Variants in PRKAR1A observed in about 807,000 individuals in gnomAD.
The protein encoded by PRKAR1A is cAMP-dependent protein kinase type I-alpha regulatory subunit.
In PRKAR1A, 3 loss-of-function variants were observed where a neutral mutation model predicts 52.0. The observed-to-expected ratio is 0.06, with a 90% confidence interval of 0.03 to 0.15. The LOEUF is 0.15. Among genes scored for constraint, PRKAR1A ranks in the 10% least tolerant of loss-of-function variants. The probability of loss-of-function intolerance (pLI) is 1.00; values close to 1 mark genes in which losing one functional copy is unlikely to be tolerated. For missense variants in PRKAR1A, 240 were observed against 477.4 expected, an observed-to-expected ratio of 0.50 and a Z score of 4.63; for synonymous variants, 188 against 168.4, an observed-to-expected ratio of 1.12 and a Z score of -0.90.
At chr17:68,427,310 A>G in the PRKAR1A span, 2 of 1,315,010 alleles carry the variant, frequency 1.5e-6, no homozygotes, top group Non-Finnish European at 2.2e-6. Flanking sequence ...TATATCTAGG[A>G]CACCTTCCAA....
rs375219763 is a variant in PRKAR1A at position 68,540,834 on chromosome 17, C to T, written c.974-10250C>T. On this transcript the variant is annotated intron_variant, in intron 11 of 11. Transcript: ENST00000585981. ...AGAGCCCACTTCTGCTGGGGGCCTGCGTGTGGGGACCTACCTATCAAGAAG... is the reference window on the plus strand; with the variant it reads ...AGAGCCCACTTCTGCTGGGGGCCTGTGTGTGGGGACCTACCTATCAAGAAG... 24 of 1,584,190 alleles carry T rather than the reference C, an allele frequency of 1.5e-5. No homozygotes were observed. Among genetic ancestry groups the T allele is most frequent in the East Asian group, 4.5e-5 (2 of 44,050 alleles).
the PRKAR1A span, among the ~76,000 whole-genome samples, chr17:68,494,415 G>A: frequency 6.6e-6 from 1 of 152,104 alleles, no homozygotes; most frequent in African/African-American, 2.4e-5. Context: ...GGTGGTGGGA[G>A]CCTGTAATTC....
chr17:68,524,328 C>T (rs1017146926), intron 5 of PRKAR1A, among the ~76,000 whole-genome samples: 4 of 152,010 alleles, frequency 2.6e-5, no homozygotes, highest in Non-Finnish European at 5.9e-5. Context: ...CATTGTCTTA[C>T]CTTGAATGTC....
At chr17:68,536,272 T>A (rs140826631), downstream of PRKAR1A, 4 of 454,034 alleles carry the variant, frequency 8.8e-6, no homozygotes, top group Non-Finnish European at 1.8e-5. Context: ...CTCTGGCCTT[T>A]ACTGGAAAAG....
At chr17:68,417,748 T>TTTTA in the PRKAR1A span, among the ~76,000 whole-genome samples, 3 of 118,200 alleles carry the variant, frequency 2.5e-5, no homozygotes, top group African/African-American at 3.9e-5. Context: ...TTTTTTTTTT[T>TTTTA]TTTTTTTTTT....
rs769019433 is a variant in PRKAR1A, at chr17:68,515,460, T to C, written c.61T>C (p.Tyr21His). 6.2e-7 allele frequency: 1 copy of C among 1,613,654 alleles called. No homozygotes were observed. Among genetic ancestry groups the C allele is most frequent in the South Asian group, 1.1e-5 (1 of 91,050 alleles). ...EARSLRECELYVQKHNIQALL... is the reference protein window; with the variant it reads ...EARSLRECELHVQKHNIQALL... ...ACGCAGCCTTCGAGAATGTGAGCTC[T>C]ACGTCCAGAAGCATAACATTCAAGC... The change falls in exon 2 of 11, where the codon TAC (tyrosine) becomes CAC (histidine). Residue 21 changes from tyrosine to histidine, a missense_variant. Physicochemically the swap from Tyr to His is moderately conservative, Grantham distance 83 (BLOSUM62 2). This residue lies in a region of PRKAR1A where 107 missense variants were observed against 114.6 expected (regional missense o/e 0.93). Coordinates refer to ENST00000589228, the MANE Select transcript of PRKAR1A (RefSeq NM_002734.5).
the PRKAR1A span, among the ~76,000 whole-genome samples, chr17:68,441,798 T>A: frequency 6.6e-6 from 1 of 152,302 alleles, no homozygotes; most frequent in African/African-American, 2.4e-5. Context: ...GAAAGGGAGC[T>A]CAGGAGAAGT....
chr17:68,426,250 G>GGGGGGGGGT, the PRKAR1A span: 4 of 828,060 alleles, frequency 4.8e-6, no homozygotes, highest in South Asian at 2.6e-5. Flanking sequence ...GGTGGGGAGC[G>GGGGGGGGGT]GGGGCTCAAA....
the PRKAR1A span, chr17:68,426,254 G>GGGGGGGGGGGGGGGGTC: frequency 1.2e-6 from 1 of 816,924 alleles, no homozygotes. Context: ...GGGAGCGGGG[G>GGGGGGGGGGGGGGGGTC]CTCAAATAAA....
intron 11 of PRKAR1A, among the ~76,000 whole-genome samples, chr17:68,545,141 T>G (rs2086489606): frequency 6.6e-6 from 1 of 152,248 alleles, no homozygotes; most frequent in African/African-American, 2.4e-5. Context: ...TTTCAAGAGA[T>G]ACATTTTAAA....
At chr17:68,425,558 G>A in the PRKAR1A span, among the ~76,000 whole-genome samples, 2 of 151,916 alleles carry the variant, frequency 1.3e-5, no homozygotes, top group African/African-American at 2.4e-5. Context: ...TGCTGGGGAG[G>A]TGCGGGTCTG....
the PRKAR1A span, among the ~76,000 whole-genome samples, chr17:68,470,152 G>A: frequency 2.0e-5 from 3 of 150,022 alleles, no homozygotes; most frequent in East Asian, 2.0e-4. Flanking sequence ...GCGTGACCTC[G>A]GCTCACTGCA....
chr17:68,475,582 G>T, the PRKAR1A span, among the ~76,000 whole-genome samples: 1 of 152,206 alleles, frequency 6.6e-6, no homozygotes, highest in South Asian at 2.1e-4. Flanking sequence ...TCGTGCCTCA[G>T]CCTCCTGAGT....
chr17:68,450,889 G>A, the PRKAR1A span: 1 of 1,611,552 alleles, frequency 6.2e-7, no homozygotes, highest in Non-Finnish European at 8.5e-7. Flanking sequence ...TAGACGTCCG[G>A]GATTTCATCT....
At chr17:68,550,531 C>T (rs1397613432) in intron 11 of PRKAR1A, among the ~76,000 whole-genome samples, 1 of 152,006 alleles carries the variant, frequency 6.6e-6, no homozygotes, top group Non-Finnish European at 1.5e-5. Flanking sequence ...CATACACGCA[C>T]CACCATACCT....
At chr17:68,547,808 G>A (rs1038371513) in intron 11 of PRKAR1A, among the ~76,000 whole-genome samples, 16 of 152,188 alleles carry the variant, frequency 1.1e-4, no homozygotes, top group African/African-American at 3.1e-4. Flanking sequence ...GTGGAGCAGC[G>A]CTTTTAGCTT....
chr17:68,489,202 A>ATATGGAAAG, the PRKAR1A span, among the ~76,000 whole-genome samples: 11 of 47,732 alleles, frequency 2.3e-4, 2 homozygotes, highest in East Asian at 6.0e-3. Flanking sequence ...ATATATATAT[A>ATATGGAAAG]TATATATATA....
intron 2 of PRKAR1A, among the ~76,000 whole-genome samples, chr17:68,519,271 TAATTTATA>T (rs1207170198): frequency 2.0e-5 from 3 of 152,126 alleles, no homozygotes; most frequent in African/African-American, 4.8e-5. Flanking sequence ...CAAGACTGGG[TAATTTATA>T]AAGGAAAGTG....
At chr17:68,437,808 A>C in the PRKAR1A span, among the ~76,000 whole-genome samples, 3 of 152,148 alleles carry the variant, frequency 2.0e-5, no homozygotes, top group South Asian at 6.2e-4. Flanking sequence ...GGATTCAAGA[A>C]GGGAGCATTT....
Sources: gnomAD v4.1 joint callset for allele counts (sites outside exome capture counted in the v4.1 genomes callset) on GRCh38, gnomAD v4.1.1 for gene constraint, gnomAD v4.1.1 regional missense constraint, MANE v1.5 for transcripts, NCBI Gene and HGNC (gene_info 2026-07-23, HGNC 2026-07-21) for gene names.